Variants in MACO1 observed in about 807,000 individuals in gnomAD.
MACO1 encodes macoilin.
In MACO1, 14 loss-of-function variants were observed where a neutral mutation model predicts 78.7. The observed-to-expected ratio is 0.18, with a 90% CI of 0.12 to 0.28. The LOEUF (loss-of-function observed/expected upper bound fraction) is 0.28, where lower values mean the gene tolerates loss of function less well. Among genes scored for constraint, MACO1 ranks in the 10% least tolerant of loss-of-function variants. The pLI is 1.00. For missense variants in MACO1, 501 were observed against 799.0 expected (o/e 0.63, Z 4.50); for synonymous variants, 288 against 291.6 (o/e 0.99, Z 0.12).
At chr1:25,459,217 G>A (rs775834162) in intron 6 of MACO1, among the ~76,000 whole-genome samples, 4 of 151,520 alleles carry the variant, frequency 2.6e-5, no homozygotes, top group Non-Finnish European at 4.4e-5. Flanking sequence ...TTCTCTTGGC[G>A]TAAACACAAA....
intron 6 of MACO1, 134 bp from the exon 7 acceptor site, chr1:25,483,982 C>T: frequency 1.2e-6 from 1 of 838,168 alleles, no homozygotes; most frequent in Non-Finnish European, 1.8e-6. Flanking sequence ...GACAGGAGTC[C>T]TCATCATGGC....
In MACO1 at chr1:25,483,084, C is replaced by G. The variant is rs189874034; in HGVS notation, c.1155-1032C>G. On this transcript the variant is annotated intron_variant, in intron 6 of 10. Transcript: ENST00000374343. ...TTGTTTTTTGAGACAGAGTCTCACT[C>G]TTGTCACCCAGGCTGGAGTGCAGTG... is the stretch of plus-strand genomic sequence containing the variant. 1.6e-3 allele frequency among the ~76,000 whole-genome samples: 245 copies of G among 152,256 alleles called. 1 individual carries two copies. Among genetic ancestry groups the G allele is most frequent in the Admixed American group, 2.8e-3 (43 of 15,292 alleles).
At chr1:25,489,590 T>C (rs2043466192) in intron 9 of MACO1, among the ~76,000 whole-genome samples, 1 of 151,928 alleles carries the variant, frequency 6.6e-6, no homozygotes, top group Non-Finnish European at 1.5e-5. Flanking sequence ...ATAGGCCAGA[T>C]TAGTGTCCTT....
chr1:25,496,693 T>C (rs1478383798), intron 10 of MACO1, among the ~76,000 whole-genome samples: 4 of 144,932 alleles, frequency 2.8e-5, no homozygotes, highest in Non-Finnish European at 5.9e-5. Flanking sequence ...AATAGGGAGC[T>C]AACAATGGAA....
chr1:25,454,704 A>T (rs1223454287), intron 4 of MACO1, among the ~76,000 whole-genome samples: 1 of 150,452 alleles, frequency 6.6e-6, no homozygotes, highest in Non-Finnish European at 1.5e-5. Flanking sequence ...CTGGTCTCGA[A>T]CTCCTGACCT....
At chr1:25,461,285 A>G (rs2043169038) in intron 6 of MACO1, among the ~76,000 whole-genome samples, 1 of 152,070 alleles carries the variant, frequency 6.6e-6, no homozygotes, top group African/African-American at 2.4e-5. Context: ...TGGGTGCAGC[A>G]CACCAACATG....
At position 25,440,693 on chromosome 1, in the gene MACO1, G is replaced by C. The variant is rs139954329; in HGVS notation, c.81-6069G>C. ...CTGAGGTGGGAGAATCACTTGAACT[G>C]GGAGGTAGAGGTTGCAGTGAGCCAA... On this transcript the variant is annotated intron_variant, in intron 1 of 10. Transcript: ENST00000374343. Among the ~76,000 whole-genome samples the C allele has an allele frequency of 5.7e-3, 864 of 150,972 alleles. 15 individuals are homozygous for C. The highest frequency in any genetic ancestry group is 0.028 in the East Asian group (142 of 5,144).
intron 9 of MACO1, among the ~76,000 whole-genome samples, chr1:25,489,863 T>C (rs1265254414): frequency 6.6e-6 from 1 of 152,028 alleles, no homozygotes; most frequent in Non-Finnish European, 1.5e-5. Context: ...GTCAGTGGAC[T>C]AGAATGATGG....
intron 1 of MACO1, among the ~76,000 whole-genome samples, chr1:25,440,545 G>A (rs2042962506): frequency 6.6e-6 from 1 of 152,060 alleles, no homozygotes. Context: ...AAGGCAGGCG[G>A]ATCACCTGAG....
chr1:25,497,531 G>A (rs1270759089), intron 10 of MACO1, among the ~76,000 whole-genome samples: 1 of 152,200 alleles, frequency 6.6e-6, no homozygotes, highest in Non-Finnish European at 1.5e-5. Flanking sequence ...GAAGTGGCCC[G>A]AGGTAGGCAG....
chr1:25,464,842 G>A (rs989088152), intron 6 of MACO1, among the ~76,000 whole-genome samples: 1 of 150,806 alleles, frequency 6.6e-6, no homozygotes, highest in Non-Finnish European at 1.5e-5. Flanking sequence ...ATTTTTAGTA[G>A]AGACGGTTTT....
intron 3 of MACO1, among the ~76,000 whole-genome samples, chr1:25,453,483 G>A (rs890174239): frequency 1.3e-5 from 2 of 150,726 alleles, no homozygotes; most frequent in Non-Finnish European, 3.0e-5. Flanking sequence ...CTAACACGGT[G>A]AAACCCTGTC....
chr1:25,482,938 C>T (rs1259170700), intron 6 of MACO1, among the ~76,000 whole-genome samples: 1 of 152,136 alleles, frequency 6.6e-6, no homozygotes, highest in African/African-American at 2.4e-5. Context: ...CATGGCCTTC[C>T]TTGTCTTATT....
intron 6 of MACO1, among the ~76,000 whole-genome samples, chr1:25,483,176 G>A (rs2043395673): frequency 6.6e-6 from 1 of 152,144 alleles, no homozygotes; most frequent in Admixed American, 6.5e-5. Context: ...TCAGCCTCCT[G>A]AGTAGCTGGG....
intron 6 of MACO1, among the ~76,000 whole-genome samples, chr1:25,459,487 A>T (rs1371500674): frequency 6.1e-5 from 9 of 146,488 alleles, no homozygotes; most frequent in Non-Finnish European, 9.0e-5. Flanking sequence ...AATTAAAAGA[A>T]TTTTTTTTTT....
chr1:25,439,670 G>GTT (rs772788430), intron 1 of MACO1, among the ~76,000 whole-genome samples: 9 of 135,850 alleles, frequency 6.6e-5, no homozygotes, highest in Admixed American at 1.5e-4. Flanking sequence ...ACAAATTTCT[G>GTT]TTTTTTTTTT....
At chr1:25,495,979 A>T (rs759177582) in intron 10 of MACO1, among the ~76,000 whole-genome samples, 1 of 152,132 alleles carries the variant, frequency 6.6e-6, no homozygotes, top group South Asian at 2.1e-4. Flanking sequence ...TGAACAAAAC[A>T]AAACCAAAAT....
intron 1 of MACO1, among the ~76,000 whole-genome samples, chr1:25,442,443 C>T (rs545323171): frequency 3.3e-5 from 5 of 152,108 alleles, no homozygotes. Flanking sequence ...TAGTGAGGAC[C>T]AAATGAACTA....
chr1:25,473,275 G>A (rs1334770589), intron 6 of MACO1, among the ~76,000 whole-genome samples: 1 of 152,136 alleles, frequency 6.6e-6, no homozygotes, highest in Non-Finnish European at 1.5e-5. Flanking sequence ...GGATATAAAT[G>A]TGGTAATAGA....
Sources: gnomAD v4.1 joint callset for allele counts (sites outside exome capture counted in the v4.1 genomes callset) on GRCh38, gnomAD v4.1.1 for gene constraint, MANE v1.5 for transcripts, NCBI Gene and HGNC (gene_info 2026-07-23, HGNC 2026-07-21) for gene names.